The following NAALADL2 variants were observed in gnomAD, a reference collection of about 807,000 sequenced individuals.
The protein encoded by NAALADL2 is inactive N-acetylated-alpha-linked acidic dipeptidase-like protein 2.
In NAALADL2, 76 loss-of-function variants were observed where a neutral mutation model predicts 87.2. The ratio of observed to expected loss-of-function variants is 0.87; its 90% CI spans 0.72 to 1.05. The LOEUF (loss-of-function observed/expected upper bound fraction) is 1.05. Ranked by LOEUF, NAALADL2 falls within the 50% of genes least tolerant of loss-of-function variation. The pLI, the probability that NAALADL2 is intolerant of heterozygous loss-of-function variation, is 0.00. For synonymous variants in NAALADL2, 354 were observed against 331.0 expected, an observed-to-expected ratio of 1.07 and a Z score of -0.75; for missense variants, 1,089 against 945.8, an observed-to-expected ratio of 1.15 and a Z score of -1.99.
intron 1 of NAALADL2, among the ~76,000 whole-genome samples, chr3:175,066,021 A>T (rs1329646334): frequency 6.6e-6 from 1 of 152,134 alleles, no homozygotes; most frequent in Non-Finnish European, 1.5e-5. Flanking sequence ...AACCGAATGC[A>T]CTTTGAGATT....
intron 3 of NAALADL2, among the ~76,000 whole-genome samples, chr3:174,853,281 G>A (rs1725474887): frequency 6.7e-6 from 1 of 149,034 alleles, no homozygotes; most frequent in Non-Finnish European, 1.5e-5. Flanking sequence ...AGGAGGCTGA[G>A]GCAGGAGAAT....
chr3:175,655,441 G>A lies in NAALADL2; in HGVS notation c.1896+28055G>A, dbSNP rs189684709. The stretch of plus-strand genomic sequence containing the variant: ...TTAGCTGGAGTTTGCCAAACAATGC[G>A]TTATTATTATAATGTGTTTGTGTTT... On this transcript the variant is annotated intron_variant, in intron 11 of 13. Transcript: ENST00000454872. 5.4e-3 allele frequency: 1,795 copies of A among 334,042 alleles called. 7 individuals are homozygous for A. The highest frequency in any genetic ancestry group is 8.2e-3 in the Non-Finnish European group (1,392 of 169,348). 20.7% of individuals were successfully genotyped at this position (334,042 alleles called of 1,614,324 possible). A position where few individuals can be genotyped will look rare whatever the true frequency, so the allele number is the denominator to read the frequency against.
chr3:174,800,461 C>G lies in NAALADL2; in HGVS notation c.-9+62715C>G, dbSNP rs1041000040. The stretch of plus-strand genomic sequence containing the variant: ...GTCACGAATTGGGGTTTGGGAACCT[C>G]CACCTAGATTTCAGAACATGTATGG... On this transcript the variant is annotated intron_variant, in intron 3 of 3. Coordinates refer to the NAALADL2 transcript ENST00000434257. Among the ~76,000 whole-genome samples the G allele has an allele frequency of 3.3e-5, 5 of 152,290 alleles. No homozygotes were observed. The East Asian group carries it at 9.7e-4, about 29-fold the overall frequency.
intron 3 of NAALADL2, among the ~76,000 whole-genome samples, chr3:174,853,079 C>T (rs1725435599): frequency 6.6e-6 from 1 of 151,392 alleles, no homozygotes; most frequent in Non-Finnish European, 1.5e-5. Context: ...TAAAGACTTA[C>T]ATCTGGCAGG....
intron 3 of NAALADL2, among the ~76,000 whole-genome samples, chr3:174,810,184 G>T (rs1336254725): frequency 6.6e-6 from 1 of 152,134 alleles, no homozygotes; most frequent in African/African-American, 2.4e-5. Context: ...TAGTACTTAA[G>T]AGTGGGACAT....
At chr3:174,841,929 G>T in intron 3 of NAALADL2, among the ~76,000 whole-genome samples, 1 of 151,982 alleles carries the variant, frequency 6.6e-6, no homozygotes. Flanking sequence ...TGCCGAATTT[G>T]TTAAACAATT....
chr3:175,075,848 A>G (rs914186982), intron 1 of NAALADL2, among the ~76,000 whole-genome samples: 3 of 152,170 alleles, frequency 2.0e-5, no homozygotes, highest in Non-Finnish European at 4.4e-5. Context: ...ATTAAAATAG[A>G]AAAAAAGTCT....
chr3:175,356,387 A>G (rs1192367777), intron 5 of NAALADL2, among the ~76,000 whole-genome samples: 3 of 151,988 alleles, frequency 2.0e-5, no homozygotes. Flanking sequence ...GTTCAAGACC[A>G]ACATAGTGAG....
At chr3:175,508,610 C>T (rs1488378168) in intron 9 of NAALADL2, among the ~76,000 whole-genome samples, 1 of 152,096 alleles carries the variant, frequency 6.6e-6, no homozygotes, top group Non-Finnish European at 1.5e-5. Context: ...ATTTTCTTTT[C>T]CTCTTGCTTA....
At chr3:175,762,192 A>ATTTTTTTTTTTTTTTTTTTTTT (rs55668165) in intron 13 of NAALADL2, among the ~76,000 whole-genome samples, 1 of 114,168 alleles carries the variant, frequency 8.8e-6, no homozygotes, top group Non-Finnish European at 1.7e-5. Flanking sequence ...CTGTGTTTCG[A>ATTTTTTTTTTTTTTTTTTTTTT]TTTTTTTTTT....
At position 175,519,427 on chromosome 3, in the gene NAALADL2, C is replaced by G. The variant is rs183627720; in HGVS notation, c.1653+47669C>G. On this transcript the variant is annotated intron_variant, in intron 9 of 13. Coordinates refer to ENST00000454872, the MANE Select transcript of NAALADL2 (RefSeq NM_207015.3). ...TCATTTTAGGATGCTGTTTTATAAG[C>G]CCCAATAGTTTCAACATGGGTTTTG... 4.9e-3 allele frequency among the ~76,000 whole-genome samples: 751 copies of G among 152,232 alleles called. 8 individuals are homozygous for G. Among genetic ancestry groups the G allele is most frequent in the African/African-American group, 0.017 (722 of 41,530 alleles).
At chr3:175,633,623 A>G (rs1728110027) in intron 11 of NAALADL2, among the ~76,000 whole-genome samples, 1 of 151,958 alleles carries the variant, frequency 6.6e-6, no homozygotes, top group Admixed American at 6.6e-5. Flanking sequence ...TAATGAAACA[A>G]AAATGCCCTC....
chr3:175,005,600 A>G (rs927108580), intron 1 of NAALADL2, among the ~76,000 whole-genome samples: 18 of 152,186 alleles, frequency 1.2e-4, no homozygotes, highest in African/African-American at 4.3e-4. Flanking sequence ...GCAAAGTATA[A>G]GGGGCATAGA....
At chr3:175,601,765 G>A (rs991062345) in intron 10 of NAALADL2, among the ~76,000 whole-genome samples, 2 of 151,924 alleles carry the variant, frequency 1.3e-5, no homozygotes, top group African/African-American at 4.8e-5. Flanking sequence ...TTTCATAAAC[G>A]CCAAATGCCA....
chr3:174,824,057 G>C (rs912051350), intron 3 of NAALADL2, among the ~76,000 whole-genome samples: 15 of 152,224 alleles, frequency 9.9e-5, no homozygotes, highest in African/African-American at 3.4e-4. Context: ...AGGTTAAAAA[G>C]CAGTAATCAC....
chr3:174,904,067 A>G (rs940555879), intron 1 of NAALADL2, among the ~76,000 whole-genome samples: 1 of 151,722 alleles, frequency 6.6e-6, no homozygotes, highest in African/African-American at 2.4e-5. Flanking sequence ...ATAGATATAC[A>G]GAGATATATA....
At chr3:174,830,724 TC>T (rs1298033815) in intron 3 of NAALADL2, among the ~76,000 whole-genome samples, 3 of 152,148 alleles carry the variant, frequency 2.0e-5, no homozygotes, top group African/African-American at 7.2e-5. Context: ...CGATATTGAT[TC>T]TTCCTACCCA....
At chr3:175,626,624 G>C (rs1319699109) in intron 10 of NAALADL2, among the ~76,000 whole-genome samples, 1 of 151,678 alleles carries the variant, frequency 6.6e-6, no homozygotes, top group East Asian at 1.9e-4. Context: ...GTATTTCCTT[G>C]CTTTCTTTCC....
At chr3:174,997,654 A>G (rs886773964) in intron 1 of NAALADL2, among the ~76,000 whole-genome samples, 2 of 152,074 alleles carry the variant, frequency 1.3e-5, no homozygotes, top group East Asian at 3.9e-4. Flanking sequence ...TGTTTCTACT[A>G]AAAATACAAA....
Sources: allele counts gnomAD v4.1 joint callset (sites outside exome capture counted in the v4.1 genomes callset), GRCh38; gene constraint gnomAD v4.1.1; transcripts MANE v1.5; gene names NCBI Gene and HGNC (gene_info 2026-07-23, HGNC 2026-07-21).